Variants in DOK5 observed in about 807,000 individuals in gnomAD.
DOK5 encodes the protein downstream of tyrosine kinase 5.
Under a neutral mutation model 43.3 loss-of-function variants are expected in DOK5, and 27 were observed. The observed-to-expected ratio is 0.62, with a 90% CI of 0.46 to 0.86. DOK5 has a LOEUF of 0.86. DOK5 is among the 40% of genes least tolerant of loss of function. The probability of loss-of-function intolerance (pLI) is 0.00; values close to 1 mark genes in which losing one functional copy is unlikely to be tolerated. For synonymous variants in DOK5, 146 were observed against 140.1 expected, an observed-to-expected ratio of 1.04 and a Z score of -0.30; for missense variants, 373 against 392.9, an observed-to-expected ratio of 0.95 and a Z score of 0.43.
chr20:54,612,035 G>A (rs898309126), intron 6 of DOK5, among the ~76,000 whole-genome samples: 5 of 152,200 alleles, frequency 3.3e-5, no homozygotes, highest in African/African-American at 1.2e-4. Flanking sequence ...AATCAAATGA[G>A]CATGGCCATG....
At chr20:54,631,357 A>G (rs973816688) in intron 6 of DOK5, among the ~76,000 whole-genome samples, 1 of 151,846 alleles carries the variant, frequency 6.6e-6, no homozygotes, top group African/African-American at 2.4e-5. Context: ...CTGAGGCTGC[A>G]GTGAGCCATG....
At chr20:54,478,050 CT>C (rs1315584679) in intron 1 of DOK5, among the ~76,000 whole-genome samples, 1 of 152,136 alleles carries the variant, frequency 6.6e-6, no homozygotes, top group Non-Finnish European at 1.5e-5. Flanking sequence ...AAGATTTATT[CT>C]TTTTGTCTGT....
chr20:54,510,306 G>A (rs1982971742), intron 1 of DOK5, among the ~76,000 whole-genome samples: 1 of 152,014 alleles, frequency 6.6e-6, no homozygotes, highest in South Asian at 2.1e-4. Context: ...AGTCACACTT[G>A]ACACTTAATT....
chr20:54,614,221 G>A (rs552838055), intron 6 of DOK5, among the ~76,000 whole-genome samples: 118 of 152,140 alleles, frequency 7.8e-4, no homozygotes, highest in African/African-American at 2.8e-3. Context: ...TTCTTTCCAA[G>A]CAGCCTTCCA....
At chr20:54,638,752 C>CTTT (rs11476340) in intron 6 of DOK5, among the ~76,000 whole-genome samples, 1 of 98,534 alleles carries the variant, frequency 1.0e-5, no homozygotes, top group African/African-American at 3.7e-5. Context: ...CTTTTCTTTT[C>CTTT]TTTTTTTTTT....
chr20:54,592,605 G>GGA (rs1310532588), intron 5 of DOK5, among the ~76,000 whole-genome samples: 7 of 150,660 alleles, frequency 4.6e-5, no homozygotes, highest in Non-Finnish European at 1.0e-4. Context: ...AGGTGGCACA[G>GGA]TCTCGGCTCA....
intron 2 of DOK5, among the ~76,000 whole-genome samples, chr20:54,557,788 C>G (rs1036746572): frequency 6.6e-6 from 1 of 152,172 alleles, no homozygotes; most frequent in African/African-American, 2.4e-5. Flanking sequence ...TTCTTGACTC[C>G]CTTGTTGGAA....
rs763919608 is a variant in DOK5 at position 54,610,427 on chromosome 20, C to T, written c.639C>T (p.Thr213=). 1.1e-5 allele frequency: 18 copies of T among 1,597,730 alleles called. No homozygotes were observed. The South Asian group carries it at 1.9e-4, about 17-fold the overall frequency. ...GTGAAGGGCTGTTTATCTTTCAGAC[C>T]CGAGACGGGGAGGCCATCTATCAGA... ...ETGEGLFIFQ[T]RDGEAIYQKV... The change falls in exon 6 of 8, where the codon ACC becomes ACT. Residue 213 remains threonine, a synonymous_variant. Coordinates refer to ENST00000262593, the MANE Select transcript of DOK5 (RefSeq NM_018431.5).
At position 54,650,586 on chromosome 20, in the gene DOK5, T is replaced by A; in HGVS notation, c.*107T>A. ...GAAATGACGACCAAGAGAAGAAGCT[T>A]AAAGTCCTGGCTAATTGTGTGGTCA... is the stretch of plus-strand genomic sequence containing the variant. On this transcript the variant is annotated 3_prime_UTR_variant, in exon 8 of 8. Coordinates refer to ENST00000262593, the MANE Select transcript of DOK5 (RefSeq NM_018431.5). 1 of 1,034,326 alleles carries A rather than the reference T, an allele frequency of 9.7e-7. No individual in the cohort carries two copies. The highest frequency in any genetic ancestry group is 1.5e-6 in the Non-Finnish European group (1 of 689,026). 64.1% of individuals were successfully genotyped at this position (1,034,326 alleles called of 1,614,324 possible).
At chr20:54,629,196 G>A (rs992259456) in intron 6 of DOK5, among the ~76,000 whole-genome samples, 2 of 152,158 alleles carry the variant, frequency 1.3e-5, no homozygotes, top group African/African-American at 2.4e-5. Context: ...TATGAAGTGG[G>A]AAGATATTTC....
At chr20:54,617,838 T>G (rs767427680) in intron 6 of DOK5, among the ~76,000 whole-genome samples, 1 of 152,230 alleles carries the variant, frequency 6.6e-6, no homozygotes, top group Non-Finnish European at 1.5e-5. Context: ...ATACGATGTA[T>G]TTATTGAACA....
chr20:54,557,241 G>A (rs1984736492), intron 2 of DOK5, among the ~76,000 whole-genome samples: 1 of 152,186 alleles, frequency 6.6e-6, no homozygotes, highest in African/African-American at 2.4e-5. Flanking sequence ...TTTGGCACCG[G>A]GACAGGTATC....
intron 2 of DOK5, among the ~76,000 whole-genome samples, chr20:54,586,821 C>A (rs1985817120): frequency 6.6e-6 from 1 of 151,818 alleles, no homozygotes; most frequent in South Asian, 2.1e-4. Flanking sequence ...GGGAACTGAA[C>A]AAAGTCCACG....
At chr20:54,601,947 G>A (rs1986310469) in intron 5 of DOK5, among the ~76,000 whole-genome samples, 1 of 152,010 alleles carries the variant, frequency 6.6e-6, no homozygotes, top group African/African-American at 2.4e-5. Flanking sequence ...ATTTTATTCT[G>A]TTTTCACCCA....
At chr20:54,560,469 A>G (rs1984861752) in intron 2 of DOK5, among the ~76,000 whole-genome samples, 1 of 152,222 alleles carries the variant, frequency 6.6e-6, no homozygotes, top group Non-Finnish European at 1.5e-5. Context: ...TAGGTAAATT[A>G]GATAAAAGAG....
At chr20:54,622,202 A>G (rs1986999349) in intron 6 of DOK5, among the ~76,000 whole-genome samples, 1 of 150,916 alleles carries the variant, frequency 6.6e-6, no homozygotes, top group Non-Finnish European at 1.5e-5. Context: ...AAAAAAAAAG[A>G]AAAAATAAAA....
At chr20:54,646,138 T>A (rs891218895) in intron 7 of DOK5, among the ~76,000 whole-genome samples, 7 of 151,966 alleles carry the variant, frequency 4.6e-5, no homozygotes, top group African/African-American at 1.7e-4. Context: ...ACAATTTTTG[T>A]CATATACATA....
intron 6 of DOK5, among the ~76,000 whole-genome samples, chr20:54,620,394 A>C (rs1015737139): frequency 6.6e-6 from 1 of 152,114 alleles, no homozygotes; most frequent in Non-Finnish European, 1.5e-5. Flanking sequence ...ACCTGCCACC[A>C]TGCCCAGCTA....
chr20:54,512,355 C>T (rs1983042051), intron 1 of DOK5, among the ~76,000 whole-genome samples: 2 of 152,212 alleles, frequency 1.3e-5, no homozygotes, highest in African/African-American at 4.8e-5. Context: ...TGTTTATACT[C>T]AGACCATCAT....
Sources: allele counts gnomAD v4.1 joint callset (sites outside exome capture counted in the v4.1 genomes callset), GRCh38; gene constraint gnomAD v4.1.1; transcripts MANE v1.5; gene names NCBI Gene and HGNC (gene_info 2026-07-23, HGNC 2026-07-21).